The following SGF29 variants were observed in gnomAD, a reference collection of about 807,000 sequenced individuals.
SGF29 encodes the protein SAGA complex associated factor 29.
In SGF29, 15 loss-of-function variants were observed where a neutral mutation model predicts 38.1. The observed-to-expected ratio is 0.39, with a 90% CI of 0.26 to 0.61. SGF29 has a LOEUF of 0.61. Among genes scored for constraint, SGF29 ranks in the 20% least tolerant of loss-of-function variants. The pLI, the probability that SGF29 is intolerant of heterozygous loss-of-function variation, is 0.49. For synonymous variants in SGF29, 151 were observed against 160.8 expected (o/e 0.94, Z 0.46); for missense variants, 184 against 394.6 (o/e 0.47, Z 4.52).
At chr16:28,580,979 G>A (rs1175227493) in intron 1 of SGF29, 76 bp from the exon 2 acceptor site, 8 of 1,098,666 alleles carry the variant, frequency 7.3e-6, no homozygotes, top group Non-Finnish European at 1.1e-5. Flanking sequence ...CAGGCCTAAT[G>A]TATCTTTTGA....
At chr16:28,561,778 A>G (rs565694702) in intron 1 of SGF29, among the ~76,000 whole-genome samples, 2 of 152,304 alleles carry the variant, frequency 1.3e-5, no homozygotes, top group African/African-American at 4.8e-5. Context: ...GGACTCTGAT[A>G]AAACCAGCCA....
intron 1 of SGF29, among the ~76,000 whole-genome samples, chr16:28,564,588 TATACACAC>T (rs2046814255): frequency 1.5e-5 from 2 of 130,340 alleles, no homozygotes; most frequent in Non-Finnish European, 3.3e-5. Context: ...CACGTATATA[TATACACAC>T]ATATATGTGT....
intron 1 of SGF29, among the ~76,000 whole-genome samples, chr16:28,569,253 C>T (rs187571874): frequency 7.2e-5 from 11 of 152,268 alleles, no homozygotes; most frequent in African/African-American, 1.7e-4. Context: ...CTTCTCTTGA[C>T]GGCTTATAGT....
In SGF29 at chr16:28,590,811, C is replaced by T; in HGVS notation, c.641C>T (p.Pro214Leu). 6.2e-7 allele frequency: 1 copy of T among 1,614,080 alleles called. No individual in the cohort carries two copies. The highest frequency in any genetic ancestry group is 8.5e-7 in the Non-Finnish European group (1 of 1,179,978). The change falls in exon 9 of 10, where the codon CCC becomes CTC. Residue 214 changes from proline to leucine, a missense_variant. Coordinates refer to ENST00000317058, the MANE Select transcript of SGF29 (RefSeq NM_138414.3). The surrounding 1 kb of genome is among the most constrained non-coding windows in gnomAD (Gnocchi z 8.2). ...AGCCGGCGCCGTGTCATCCCGCTGC[C>T]CCAGTGGAAGGCCAACCCGGAGACG... ...TLSRRRVIPL[P>L]QWKANPETDP... is the part of the protein sequence containing the mutation.
intron 2 of SGF29, 105 bp downstream of exon 2, chr16:28,581,249 C>T: frequency 8.9e-6 from 9 of 1,006,562 alleles, no homozygotes; most frequent in Non-Finnish European, 1.4e-5. Context: ...CTCGCAGGAA[C>T]CAAAATGACG....
At chr16:28,561,220 C>T (rs920829315) in intron 1 of SGF29, among the ~76,000 whole-genome samples, 6 of 151,718 alleles carry the variant, frequency 4.0e-5, no homozygotes, top group South Asian at 2.1e-4. Flanking sequence ...AGTGAGACCC[C>T]ATCTCTACAA....
intron 1 of SGF29, among the ~76,000 whole-genome samples, chr16:28,564,551 G>GTATA (rs58434968): frequency 2.5e-5 from 1 of 39,620 alleles, no homozygotes; most frequent in Non-Finnish European, 6.6e-5. Context: ...ATATATATAC[G>GTATA]TATATATATA....
intron 1 of SGF29, among the ~76,000 whole-genome samples, chr16:28,572,795 G>A (rs1336467652): frequency 1.3e-5 from 2 of 152,040 alleles, no homozygotes; most frequent in African/African-American, 4.8e-5. Context: ...GTGTCGCTGG[G>A]TATGATCCAG....
In SGF29 at chr16:28,586,476, C is replaced by T. The variant is rs1307068371; in HGVS notation, c.224+756C>T. 3.4e-5 allele frequency among the ~76,000 whole-genome samples: 5 copies of T among 148,940 alleles called. No homozygotes were observed. In the East Asian group the frequency reaches 7.8e-4, roughly 23 times the overall value. On this transcript the variant is annotated intron_variant, in intron 4 of 9. Transcript: ENST00000317058. ...GAGCTAAGATCGTGCCACTGCACTC[C>T]AGCCTGGGCAACAGAGCAAGGCTCT...
intron 4 of SGF29, among the ~76,000 whole-genome samples, chr16:28,586,312 G>A (rs1468564567): frequency 1.3e-5 from 2 of 152,126 alleles, no homozygotes; most frequent in African/African-American, 4.8e-5. Context: ...CGCAAGGTGG[G>A]TGGATCACCT....
intron 1 of SGF29, among the ~76,000 whole-genome samples, chr16:28,565,284 C>T (rs528610942): frequency 1.2e-3 from 186 of 152,248 alleles, no homozygotes; most frequent in Non-Finnish European, 2.2e-3. Context: ...CCAGGAACAG[C>T]GCTTCACCAG....
At chr16:28,570,647 C>T (rs972514412) in intron 1 of SGF29, among the ~76,000 whole-genome samples, 8 of 151,276 alleles carry the variant, frequency 5.3e-5, no homozygotes, top group East Asian at 1.9e-4. Context: ...GGTGGGATCT[C>T]GGCTCACTGC....
chr16:28,572,986 G>GAGTA (rs2046873754), intron 1 of SGF29, among the ~76,000 whole-genome samples: 1 of 152,102 alleles, frequency 6.6e-6, no homozygotes, highest in Admixed American at 6.6e-5. Context: ...CTCCCAGACA[G>GAGTA]AGTAACCTAC....
intron 1 of SGF29, among the ~76,000 whole-genome samples, chr16:28,557,343 T>C (rs533582848): frequency 1.3e-5 from 2 of 152,356 alleles, no homozygotes; most frequent in African/African-American, 2.4e-5. Flanking sequence ...GTAAAATATA[T>C]ATCTGGTTTG....
Position 28,555,347 on chromosome 16 carries a change from A to G in SGF29, c.-16+1250A>G, listed in dbSNP as rs181383427. ...AAAAATTAGCCGGGCGTGGTGGTGC[A>G]CGCCTGTAATCCCAGCTACTTGGGA... On this transcript the variant is annotated intron_variant, in intron 1 of 9. Transcript: ENST00000317058. 8.6e-3 allele frequency among the ~76,000 whole-genome samples: 1,303 copies of G among 151,868 alleles called. 6 individuals are homozygous for G. The highest frequency in any genetic ancestry group is 0.014 in the South Asian group (65 of 4,786).
intron 3 of SGF29, chr16:28,585,269 A>C (rs2046950096): frequency 2.0e-6 from 1 of 507,222 alleles, no homozygotes; most frequent in African/African-American, 1.9e-5. Context: ...TCTAGAAAGG[A>C]GCTTCCTTCC....
chr16:28,563,715 CTT>C (rs11445174), intron 1 of SGF29, among the ~76,000 whole-genome samples: 198 of 80,798 alleles, frequency 2.5e-3, no homozygotes, highest in African/African-American at 7.3e-3. Flanking sequence ...GAGAAACAGA[CTT>C]TTTTTTTTTT....
intron 4 of SGF29, among the ~76,000 whole-genome samples, chr16:28,587,485 T>C (rs1028597119): frequency 6.6e-6 from 1 of 152,266 alleles, no homozygotes; most frequent in African/African-American, 2.4e-5. Flanking sequence ...TGGCACTGGC[T>C]GGGCCATCCC....
chr16:28,584,028 C>CTT (rs59285238), intron 2 of SGF29, among the ~76,000 whole-genome samples: 3 of 137,972 alleles, frequency 2.2e-5, no homozygotes, highest in Non-Finnish European at 3.2e-5. Flanking sequence ...TTAATGCCTT[C>CTT]TTTTTTTTTT....
Sources: gnomAD v4.1 joint callset for allele counts (sites outside exome capture counted in the v4.1 genomes callset) on GRCh38, gnomAD v4.1.1 for gene constraint, Gnocchi (gnomAD v3.1) non-coding constraint, MANE v1.5 for transcripts, NCBI Gene and HGNC (gene_info 2026-07-23, HGNC 2026-07-21) for gene names.